Variants in ADAM12 observed in about 807,000 individuals in gnomAD.
ADAM12 encodes the protein ADAM metallopeptidase domain 12.
Under a neutral mutation model 106.4 loss-of-function variants are expected in ADAM12, and 70 were observed. The ratio of observed to expected loss-of-function variants is 0.66; its 90% CI spans 0.54 to 0.80. The LOEUF (loss-of-function observed/expected upper bound fraction) is 0.80. Among genes scored for constraint, ADAM12 ranks in the 30% least tolerant of loss-of-function variants. The pLI, the probability that ADAM12 is intolerant of heterozygous loss-of-function variation, is 0.00. For synonymous variants in ADAM12, 420 were observed against 433.5 expected (o/e 0.97, Z 0.39); for missense variants, 1,010 against 1,171.9 (o/e 0.86, Z 2.02).
intron 18 of ADAM12, among the ~76,000 whole-genome samples, chr10:126,040,066 G>A (rs1473592006): frequency 1.3e-5 from 2 of 152,164 alleles, no homozygotes; most frequent in Admixed American, 6.5e-5. Context: ...TTTTCTCTAT[G>A]AAAACATCTT....
At chr10:126,121,808 G>C (rs1167768545) in intron 5 of ADAM12, among the ~76,000 whole-genome samples, 3 of 152,002 alleles carry the variant, frequency 2.0e-5, no homozygotes, top group African/African-American at 7.3e-5. Flanking sequence ...AATTTTAATA[G>C]ATTGACAGTA....
At chr10:126,173,603 T>G (rs1174342533) in intron 3 of ADAM12, among the ~76,000 whole-genome samples, 1 of 152,224 alleles carries the variant, frequency 6.6e-6, no homozygotes, top group East Asian at 1.9e-4. Context: ...ATTAATATAC[T>G]ATTTCCTCTT....
intron 14 of ADAM12, among the ~76,000 whole-genome samples, chr10:126,060,157 A>G (rs1954721782): frequency 6.6e-6 from 1 of 152,240 alleles, no homozygotes; most frequent in African/African-American, 2.4e-5. Context: ...AAAAACCCAA[A>G]GGCATTCTCA....
intron 18 of ADAM12, among the ~76,000 whole-genome samples, chr10:126,040,625 C>A (rs529883868): frequency 6.6e-6 from 1 of 152,288 alleles, no homozygotes; most frequent in East Asian, 1.9e-4. Context: ...GTTTCCTGGG[C>A]AAAATGTCAC....
chr10:126,339,905 A>G (rs1414224543), intron 1 of ADAM12, among the ~76,000 whole-genome samples: 1 of 120,512 alleles, frequency 8.3e-6, no homozygotes, highest in Non-Finnish European at 1.6e-5. Flanking sequence ...CCCAGGCTGG[A>G]GTGCAGTGGC....
At chr10:126,166,470 CA>C (rs986425830) in intron 3 of ADAM12, among the ~76,000 whole-genome samples, 10 of 151,910 alleles carry the variant, frequency 6.6e-5, no homozygotes, top group Non-Finnish European at 1.3e-4. Context: ...TGAGGACTTA[CA>C]TACCATTTCA....
At position 126,179,839 on chromosome 10, in the gene ADAM12, G is replaced by A. The variant is rs574371753; in HGVS notation, c.261-24534C>T. 9.2e-5 allele frequency among the ~76,000 whole-genome samples: 14 copies of A among 152,200 alleles called. 1 individual carries two copies. In the South Asian group the frequency reaches 2.3e-3, roughly 25 times the overall value. ...TGCAAGGTTGAAAGAGGAAGTAGTC[G>A]GCTGTCACTAGGCAGGCAGAATAGA... On this transcript the variant is annotated intron_variant, in intron 3 of 22. Coordinates refer to ENST00000448723, the MANE Select transcript of ADAM12 (RefSeq NM_001288973.2).
At chr10:126,182,519 CG>C (rs1957331443) in intron 3 of ADAM12, among the ~76,000 whole-genome samples, 1 of 152,078 alleles carries the variant, frequency 6.6e-6, no homozygotes, top group South Asian at 2.1e-4. Flanking sequence ...AGACAAAAGA[CG>C]TAAAAGCATG....
At chr10:126,174,232 G>C (rs1676754) in intron 3 of ADAM12, among the ~76,000 whole-genome samples, 91,444 of 151,026 alleles carry the variant, frequency 0.61, 30,359 homozygotes, top group African/African-American at 0.9. Context: ...CAAACACACA[G>C]AGTGTTTTTG....
intron 3 of ADAM12, among the ~76,000 whole-genome samples, chr10:126,156,193 T>G (rs1676727): frequency 0.43 from 66,035 of 151,906 alleles, 14,938 homozygotes; most frequent in East Asian, 0.77. Flanking sequence ...AGGGTGATGG[T>G]TGACACAGAA....
intron 5 of ADAM12, among the ~76,000 whole-genome samples, chr10:126,125,036 T>C (rs1956180014): frequency 6.6e-6 from 1 of 151,946 alleles, no homozygotes; most frequent in Non-Finnish European, 1.5e-5. Flanking sequence ...GAAAAATAAT[T>C]CACACAGCAT....
chr10:126,123,019 TTCTTTTA>T (rs1176483742), intron 5 of ADAM12, among the ~76,000 whole-genome samples: 2 of 152,250 alleles, frequency 1.3e-5, no homozygotes, highest in Admixed American at 6.5e-5. Context: ...TTCTCTTATC[TTCTTTTA>T]TCTTTTAAGT....
rs975137809 is a variant in ADAM12, at chr10:126,043,297, C to T, written c.1996-149G>A. 8 of 708,754 alleles carry T rather than the reference C, an allele frequency of 1.1e-5. No individual in the cohort carries two copies. Among genetic ancestry groups the T allele is most frequent in the East Asian group, 2.7e-5 (1 of 36,454 alleles). 43.9% of individuals were successfully genotyped at this position (708,754 alleles called of 1,614,324 possible). ...GCCATGGTGCGAATAAGCCCAAAGCCGGCACTACACACCACACAGGGGCGA... is the reference window on the plus strand; with the variant it reads ...GCCATGGTGCGAATAAGCCCAAAGCTGGCACTACACACCACACAGGGGCGA... On this transcript the variant is annotated intron_variant, in intron 17 of 22. Coordinates refer to ENST00000448723, the MANE Select transcript of ADAM12 (RefSeq NM_001288973.2). This position sits in a 1 kb window ranked among gnomAD's most constrained non-coding sequence, Gnocchi z 4.1.
chr10:126,178,733 A>G (rs1488248522), intron 3 of ADAM12, among the ~76,000 whole-genome samples: 3 of 152,172 alleles, frequency 2.0e-5, no homozygotes, highest in Non-Finnish European at 4.4e-5. Context: ...ATGGGAAAAC[A>G]TAACACACAG....
At chr10:126,377,971 G>C (rs1391040262) in intron 1 of ADAM12, among the ~76,000 whole-genome samples, 1 of 152,082 alleles carries the variant, frequency 6.6e-6, no homozygotes, top group Non-Finnish European at 1.5e-5. Context: ...AAGAGAGGAG[G>C]ATTGTTTAAA....
At chr10:126,031,373 G>A (rs112284700) in intron 21 of ADAM12, among the ~76,000 whole-genome samples, 2 of 152,244 alleles carry the variant, frequency 1.3e-5, no homozygotes, top group African/African-American at 4.8e-5. Flanking sequence ...CACAGGTCCA[G>A]AAGGGCACAT....
chr10:126,151,172 A>T (rs1956722983), intron 4 of ADAM12, among the ~76,000 whole-genome samples: 1 of 152,212 alleles, frequency 6.6e-6, no homozygotes, highest in South Asian at 2.1e-4. Flanking sequence ...GAATAGATGA[A>T]GAAATGAATT....
chr10:126,135,457 G>C (rs1279168524), intron 5 of ADAM12, 127 bp downstream of exon 5: 9 of 849,578 alleles, frequency 1.1e-5, no homozygotes, highest in Non-Finnish European at 1.5e-5. Flanking sequence ...TCTTGCCTAG[G>C]TGGAGGTGTA....
At chr10:126,217,990 A>G (rs1466455252) in intron 3 of ADAM12, among the ~76,000 whole-genome samples, 1 of 151,822 alleles carries the variant, frequency 6.6e-6, no homozygotes, top group Non-Finnish European at 1.5e-5. Flanking sequence ...AAAAAAAAAA[A>G]GATTACACTA....
Sources: allele counts gnomAD v4.1 joint callset (sites outside exome capture counted in the v4.1 genomes callset), GRCh38; gene constraint gnomAD v4.1.1; non-coding constraint Gnocchi (gnomAD v3.1); transcripts MANE v1.5; gene names NCBI Gene and HGNC (gene_info 2026-07-23, HGNC 2026-07-21).